The following CTSZ variants were observed in gnomAD, a reference collection of about 807,000 sequenced individuals.
The protein encoded by CTSZ is carboxypeptidase LB.
A neutral mutation model predicts 32.4 loss-of-function variants in CTSZ; 39 were observed. That is an observed-to-expected ratio of 1.20 (90% CI 0.93 to 1.57). The LOEUF is 1.57. Ranked by LOEUF, CTSZ falls within the 40% of genes most tolerant of loss-of-function variation. The pLI is 0.00. For synonymous variants in CTSZ, 168 were observed against 170.1 expected, an observed-to-expected ratio of 0.99 and a Z score of 0.10; for missense variants, 397 against 419.6, an observed-to-expected ratio of 0.95 and a Z score of 0.47.
Position 59,002,844 on chromosome 20 carries a change from C to T in CTSZ, c.308-1200G>A, listed in dbSNP as rs917069149. On this transcript the variant is annotated intron_variant, in intron 2 of 5. Transcript: ENST00000217131. This position sits in a 1 kb window ranked among gnomAD's most constrained non-coding sequence, Gnocchi z 4.1. Reference sequence around the variant, plus strand: ...CTGTTTCCTCCCAAGGACTTGGCTCCCTCCAGCTTTCCTTCTCCCCGCTCC... The same window carrying T: ...CTGTTTCCTCCCAAGGACTTGGCTCTCTCCAGCTTTCCTTCTCCCCGCTCC... Among the ~76,000 whole-genome samples the T allele has an allele frequency of 6.6e-6, 1 of 152,238 alleles. No homozygotes were observed. The highest frequency in any genetic ancestry group is 1.9e-4 in the East Asian group (1 of 5,172).
chr20:59,005,177 A>T (rs965567974), intron 2 of CTSZ, among the ~76,000 whole-genome samples: 75 of 152,102 alleles, frequency 4.9e-4, no homozygotes, highest in African/African-American at 1.8e-3. Flanking sequence ...TCCACATCAA[A>T]GGGACCTTTG....
chr20:58,995,601 C>A lies in CTSZ; in HGVS notation c.*48G>T. 6.5e-7 allele frequency: 1 copy of A among 1,547,038 alleles called. No homozygotes were observed. Among genetic ancestry groups the A allele is most frequent in the South Asian group, 1.1e-5 (1 of 89,382 alleles). The stretch of plus-strand genomic sequence containing the variant: ...ACATAACCATAGGATCCCCTCTGGT[C>A]ATGGGTCACCATGCCTTTTCTTAAA... On this transcript the variant is annotated 3_prime_UTR_variant, in exon 6 of 6. Coordinates refer to ENST00000217131, the MANE Select transcript of CTSZ (RefSeq NM_001336.4).
At chr20:59,006,959 C>T in intron 1 of CTSZ, 27 bp downstream of exon 1, 5 of 1,402,248 alleles carry the variant, frequency 3.6e-6, no homozygotes, top group South Asian at 1.5e-5. Context: ...CCCGTCCCCC[C>T]AGGGCTGCCT....
At position 58,995,700 on chromosome 20, in the gene CTSZ, T is replaced by C. The variant is rs141386152; in HGVS notation, c.861A>G (p.Arg287=). Reference sequence around the variant, plus strand: ...AGTGCTCCTCGATGGCAAGGTTGTATCTGGCGCCCTTCCCATCCTTATAGG... The same window carrying C: ...AGTGCTCCTCGATGGCAAGGTTGTACCTGGCGCCCTTCCCATCCTTATAGG... ...TSTYKDGKGA[R]YNLAIEEHCT... The change falls in exon 6 of 6, where the codon AGA becomes AGG. Residue 287 remains arginine, a synonymous_variant. Transcript: ENST00000217131. 2.0e-5 allele frequency: 33 copies of C among 1,614,042 alleles called. No individual in the cohort carries two copies. Among genetic ancestry groups the C allele is most frequent in the Non-Finnish European group, 2.6e-5 (31 of 1,180,022 alleles).
chr20:59,000,827 T>C (rs1446793269), intron 3 of CTSZ, among the ~76,000 whole-genome samples: 1 of 137,648 alleles, frequency 7.3e-6, no homozygotes, highest in African/African-American at 2.8e-5. Context: ...ACAGGGCCGG[T>C]ATTTTTTTTT....
At chr20:58,998,791 T>A (rs773618260) in intron 3 of CTSZ, among the ~76,000 whole-genome samples, 1 of 152,198 alleles carries the variant, frequency 6.6e-6, no homozygotes, top group Non-Finnish European at 1.5e-5. Context: ...TTTCACTCCA[T>A]CCACACGGCG....
At chr20:59,003,106 G>T (rs1465321867) in intron 2 of CTSZ, among the ~76,000 whole-genome samples, 1 of 152,226 alleles carries the variant, frequency 6.6e-6, no homozygotes, top group Non-Finnish European at 1.5e-5. Flanking sequence ...AGTCAGCACA[G>T]CGGTCGCTCC....
At chr20:59,006,959 C>G (rs749567985) in intron 1 of CTSZ, 27 bp downstream of exon 1, 14 of 1,402,248 alleles carry the variant, frequency 1.0e-5, no homozygotes, top group East Asian at 3.0e-5. Context: ...CCCGTCCCCC[C>G]AGGGCTGCCT....
intron 3 of CTSZ, among the ~76,000 whole-genome samples, chr20:58,998,902 A>T (rs2091875076): frequency 6.6e-6 from 1 of 152,260 alleles, no homozygotes; most frequent in Admixed American, 6.5e-5. Context: ...TGAGGCTCAG[A>T]CACTGGTTCA....
chr20:59,003,046 G>A (rs1370557028), intron 2 of CTSZ, among the ~76,000 whole-genome samples: 4 of 152,130 alleles, frequency 2.6e-5, no homozygotes, highest in Non-Finnish European at 5.9e-5. Flanking sequence ...TTTCTCTCTT[G>A]CTAAAGGTCA....
chr20:58,996,077 C>T (rs535817893), intron 5 of CTSZ, among the ~76,000 whole-genome samples: 6 of 152,038 alleles, frequency 3.9e-5, no homozygotes, highest in South Asian at 2.1e-4. Flanking sequence ...TAAAAAATGA[C>T]GACATTTCAT....
At position 59,006,309 on chromosome 20, in the gene CTSZ, G is replaced by T. The variant is rs1173117552; in HGVS notation, c.307+13C>A. On this transcript the variant is annotated intron_variant, in intron 2 of 5. Coordinates refer to ENST00000217131, the MANE Select transcript of CTSZ (RefSeq NM_001336.4). ...GGGCTTTCCTGGCCCACAGTCAAAG[G>T]GCGGCCACTCACCCGCCATAGCGCT... is the stretch of plus-strand genomic sequence containing the variant. 2 of 1,592,936 alleles carry T rather than the reference G, an allele frequency of 1.3e-6. No homozygotes were observed. Among genetic ancestry groups the T allele is most frequent in the African/African-American group, 2.7e-5 (2 of 74,556 alleles).
intron 3 of CTSZ, among the ~76,000 whole-genome samples, chr20:58,998,552 A>AAAAAAAAAAAAGAAAGAAAG (rs368429073): frequency 6.9e-6 from 1 of 145,286 alleles, no homozygotes; most frequent in African/African-American, 2.6e-5. Flanking sequence ...GTCTCAAAAA[A>AAAAAAAAAAAAGAAAGAAAG]AAAGAAAGAA....
Position 59,006,984 on chromosome 20 carries a change from A to G in CTSZ, c.143+2T>C, listed in dbSNP as rs2091911237. 6.9e-7 allele frequency: 1 copy of G among 1,449,666 alleles called. No individual in the cohort carries two copies. The highest frequency in any genetic ancestry group is 9.0e-7 in the Non-Finnish European group (1 of 1,108,716). The allele number at this position is 1,449,666 out of a possible 1,614,324, so 89.8% of individuals were successfully genotyped here. On this transcript the variant is annotated splice_donor_variant, in intron 1 of 5. Coordinates refer to ENST00000217131, the MANE Select transcript of CTSZ (RefSeq NM_001336.4). LOFTEE classifies it high-confidence loss of function. ...CAGGGCTGCCTCCCCGCCGGTGCCC[A>G]CCTGCGCCCCAGCGGAGCCAGCCCG...
chr20:58,996,698 A>T lies in CTSZ; in HGVS notation c.742T>A (p.Trp248Arg), dbSNP rs892724420. 1 of 1,613,758 alleles carries T rather than the reference A, an allele frequency of 6.2e-7. No individual in the cohort carries two copies. The highest frequency in any genetic ancestry group is 1.3e-5 in the African/African-American group (1 of 74,896). ...YINHVVSVAGWGISDGTEYWI... is the reference protein window; with the variant it reads ...YINHVVSVAGRGISDGTEYWI... ...TACTCAGTCCCATCACTGATGCCCC[A>T]CCCAGCCACAGAAACGACATGGTTT... The change falls in exon 5 of 6, where the codon TGG becomes AGG. Residue 248 changes from tryptophan to arginine, a missense_variant. Coordinates refer to ENST00000217131, the MANE Select transcript of CTSZ (RefSeq NM_001336.4).
intron 5 of CTSZ, among the ~76,000 whole-genome samples, chr20:58,995,993 A>T (rs1601222141): frequency 6.6e-6 from 1 of 152,240 alleles, no homozygotes; most frequent in South Asian, 2.1e-4. Context: ...GCCAGAAGTG[A>T]ATTCATCTCA....
At chr20:58,996,891 T>A (rs969403592) in intron 4 of CTSZ, 90 bp from the exon 5 acceptor site, 1 of 1,441,798 alleles carries the variant, frequency 6.9e-7, no homozygotes, top group Non-Finnish European at 9.4e-7. Context: ...GCGCCGTGGC[T>A]CACGCCTGTA....
chr20:59,006,160 A>C (rs2091907882), intron 2 of CTSZ, 162 bp downstream of exon 2: 1 of 904,762 alleles, frequency 1.1e-6, no homozygotes, highest in East Asian at 2.7e-5. Flanking sequence ...GGGTCACCTC[A>C]GCAGAGGGCA....
rs1343513558 is a variant in CTSZ, at chr20:59,006,485, G to A, written c.144C>T (p.Ser48=). Residue 48 remains serine (S), a splice_region_variant and synonymous_variant, in exon 2 of 6, where the codon AGC becomes AGT. Coordinates refer to ENST00000217131, the MANE Select transcript of CTSZ (RefSeq NM_001336.4). The part of the protein sequence containing the change: ...RGDGLAPLGR[S]TYPRPHEYLS... ...GGTACTCATGAGGCCGGGGGTATGT[G>A]CTGAGAAGAGATCATCCCCACCCAG... 6.2e-7 allele frequency: 1 copy of A among 1,610,646 alleles called. No homozygotes were observed. The highest frequency in any genetic ancestry group is 8.5e-7 in the Non-Finnish European group (1 of 1,179,054).
Sources: gnomAD v4.1 joint callset for allele counts (sites outside exome capture counted in the v4.1 genomes callset) on GRCh38, gnomAD v4.1.1 for gene constraint, Gnocchi (gnomAD v3.1) non-coding constraint, MANE v1.5 for transcripts, NCBI Gene and HGNC (gene_info 2026-07-23, HGNC 2026-07-21) for gene names.